OPCML: variants seen among roughly 807,000 people sequenced by gnomAD.
The protein encoded by OPCML is opioid-binding protein/cell adhesion molecule.
A neutral mutation model predicts 37.8 loss-of-function variants in OPCML; 13 were observed. The observed-to-expected ratio is 0.34, with a 90% CI of 0.22 to 0.55. The LOEUF is 0.55. Among genes scored for constraint, OPCML ranks in the 20% least tolerant of loss-of-function variants. OPCML has a pLI of 0.91. For missense variants in OPCML, 341 were observed against 435.6 expected (o/e 0.78, Z 1.93); for synonymous variants, 176 against 168.8 (o/e 1.04, Z -0.33).
chr11:133,288,630 C>G (rs1300646410), intron 1 of OPCML, among the ~76,000 whole-genome samples: 3 of 152,164 alleles, frequency 2.0e-5, no homozygotes, highest in Admixed American at 6.5e-5. Context: ...ACTTTAAAAA[C>G]ATATGGACAC....
chr11:132,994,559 A>G (rs1408391193), intron 1 of OPCML, among the ~76,000 whole-genome samples: 1 of 152,144 alleles, frequency 6.6e-6, no homozygotes, highest in Non-Finnish European at 1.5e-5. Flanking sequence ...CTGAAGGCTC[A>G]GGGCGGGGAT....
intron 1 of OPCML, among the ~76,000 whole-genome samples, chr11:133,030,605 G>A (rs1947647968): frequency 6.6e-6 from 1 of 152,120 alleles, no homozygotes; most frequent in African/African-American, 2.4e-5. Context: ...ATTCACAACA[G>A]ACACAAAATA....
At chr11:132,684,825 T>C (rs1399314668) in intron 2 of OPCML, among the ~76,000 whole-genome samples, 1 of 152,198 alleles carries the variant, frequency 6.6e-6, no homozygotes, top group Non-Finnish European at 1.5e-5. Context: ...TGTAAGATGA[T>C]CAATGTCTCT....
intron 1 of OPCML, among the ~76,000 whole-genome samples, chr11:133,139,777 G>T (rs993229609): frequency 1.3e-5 from 2 of 152,042 alleles, no homozygotes; most frequent in Non-Finnish European, 2.9e-5. Context: ...CTTCCCATTC[G>T]GATCAGTCAT....
chr11:132,535,924 C>T (rs1212045721), intron 3 of OPCML, among the ~76,000 whole-genome samples: 1 of 152,122 alleles, frequency 6.6e-6, no homozygotes, highest in Non-Finnish European at 1.5e-5. Flanking sequence ...TCCACATTGT[C>T]AAGAACTCCC....
At chr11:132,941,653 C>G (rs922659572) in intron 2 of OPCML, among the ~76,000 whole-genome samples, 1 of 152,180 alleles carries the variant, frequency 6.6e-6, no homozygotes, top group Non-Finnish European at 1.5e-5. Context: ...TCCTTCACAT[C>G]TCCAGGAAGG....
At chr11:133,186,350 G>A (rs1387888068) in intron 1 of OPCML, among the ~76,000 whole-genome samples, 1 of 152,152 alleles carries the variant, frequency 6.6e-6, no homozygotes, top group Non-Finnish European at 1.5e-5. Flanking sequence ...GTCAGTCTGA[G>A]ATGCTTATTG....
intron 2 of OPCML, among the ~76,000 whole-genome samples, chr11:132,900,116 A>G (rs2725450): frequency 6.6e-6 from 1 of 152,106 alleles, no homozygotes; most frequent in Non-Finnish European, 1.5e-5. Flanking sequence ...GACCTGTACA[A>G]CTTGCATTCT....
chr11:133,225,837 G>GA (rs754633349), intron 1 of OPCML, among the ~76,000 whole-genome samples: 1 of 152,174 alleles, frequency 6.6e-6, no homozygotes, highest in Non-Finnish European at 1.5e-5. Flanking sequence ...ATGGATTAAT[G>GA]AAAAGCAAGA....
chr11:132,460,908 T>C (rs933806335), intron 4 of OPCML, among the ~76,000 whole-genome samples: 49 of 152,318 alleles, frequency 3.2e-4, no homozygotes, highest in African/African-American at 1.2e-3. Context: ...ATTTAGATAT[T>C]TACTTGTGTG....
intron 2 of OPCML, among the ~76,000 whole-genome samples, chr11:132,675,315 TGG>T (rs1942655345): frequency 6.6e-6 from 1 of 152,026 alleles, no homozygotes; most frequent in South Asian, 2.1e-4. Context: ...ACAAAAATCT[TGG>T]AGACACAACC....
At chr11:132,445,619 C>T (rs979601030) in intron 4 of OPCML, among the ~76,000 whole-genome samples, 2 of 152,160 alleles carry the variant, frequency 1.3e-5, no homozygotes, top group Admixed American at 6.5e-5. Flanking sequence ...AAAATAGACT[C>T]TTGTGTTCAT....
At chr11:133,469,942 A>G (rs181765813) in intron 1 of OPCML, among the ~76,000 whole-genome samples, 1 of 152,324 alleles carries the variant, frequency 6.6e-6, no homozygotes, top group Admixed American at 6.5e-5. Context: ...CCACCTCTAA[A>G]CAATTAAAAT....
chr11:133,517,188 A>G (rs1471393783), intron 1 of OPCML, among the ~76,000 whole-genome samples: 3 of 152,266 alleles, frequency 2.0e-5, no homozygotes, highest in Non-Finnish European at 4.4e-5. Context: ...TGTGAAAGGA[A>G]GGAATATCAG....
intron 2 of OPCML, among the ~76,000 whole-genome samples, chr11:132,819,442 T>A (rs1407718206): frequency 2.6e-5 from 4 of 151,846 alleles, no homozygotes; most frequent in African/African-American, 9.7e-5. Context: ...AATTTATTTT[T>A]AAAAAATTGC....
chr11:132,998,582 T>TA (rs1318419833), intron 1 of OPCML, among the ~76,000 whole-genome samples: 4 of 152,298 alleles, frequency 2.6e-5, no homozygotes, highest in East Asian at 3.9e-4. Flanking sequence ...TCGTTAGGCA[T>TA]AAAAAAGGTA....
At chr11:133,120,227 C>A (rs772381101) in intron 1 of OPCML, among the ~76,000 whole-genome samples, 1 of 152,116 alleles carries the variant, frequency 6.6e-6, no homozygotes, top group Non-Finnish European at 1.5e-5. Context: ...TGTATACATA[C>A]AAACACACAT....
At chr11:132,469,647 G>GTGTGT (rs747866446) in intron 4 of OPCML, among the ~76,000 whole-genome samples, 1 of 130,902 alleles carries the variant, frequency 7.6e-6, no homozygotes, top group African/African-American at 2.9e-5. Context: ...TGTGTGTGGG[G>GTGTGT]GTGTATGTGT....
chr11:133,125,773 CAT>C (rs1409852193), intron 1 of OPCML, among the ~76,000 whole-genome samples: 1 of 82,410 alleles, frequency 1.2e-5, no homozygotes. Context: ...TATATAGACA[CAT>C]GTATATAGTA....
Sources: gnomAD v4.1 joint callset for allele counts (sites outside exome capture counted in the v4.1 genomes callset) on GRCh38, gnomAD v4.1.1 for gene constraint, MANE v1.5 for transcripts, NCBI Gene and HGNC (gene_info 2026-07-23, HGNC 2026-07-21) for gene names.